The following MAU2 variants were observed in gnomAD, a reference collection of about 807,000 sequenced individuals.
MAU2 encodes MAU2 sister chromatid cohesion factor.
A neutral mutation model predicts 89.1 loss-of-function variants in MAU2; 9 were observed. The ratio of observed to expected loss-of-function variants is 0.10; its 90% CI spans 0.06 to 0.18. MAU2 has a LOEUF of 0.18. MAU2 is among the 10% of genes least tolerant of loss of function. The pLI is 1.00. For missense variants in MAU2, 425 were observed against 803.5 expected (o/e 0.53, Z 5.69); for synonymous variants, 357 against 343.4 (o/e 1.04, Z -0.44).
At position 19,348,803 on chromosome 19, in the gene MAU2, A is replaced by G. The variant is rs1430729502; in HGVS notation, c.1309-86A>G. ...GGCCACAGTCCCGACGGGGGTGTAG[A>G]GAAATTCCCATGCACTGCAGTGTGT... On this transcript the variant is annotated intron_variant, in intron 13 of 18. Coordinates refer to ENST00000262815, the MANE Select transcript of MAU2 (RefSeq NM_015329.4). 2.2e-5 allele frequency: 31 copies of G among 1,432,894 alleles called. No individual in the cohort carries two copies. The Admixed American group carries it at 3.0e-4, about 14-fold the overall frequency. 88.8% of individuals were successfully genotyped at this position (1,432,894 alleles called of 1,614,324 possible). A position where few individuals can be genotyped will look rare whatever the true frequency, so the allele number is the denominator to read the frequency against.
chr19:19,341,490 G>A (rs888140387), intron 7 of MAU2, 83 bp downstream of exon 7: 2 of 1,526,764 alleles, frequency 1.3e-6, no homozygotes, highest in African/African-American at 1.4e-5. Flanking sequence ...TGGGCTGTGA[G>A]GTCAGCTGTG....
chr19:19,331,270 C>A (rs754919388), intron 1 of MAU2, among the ~76,000 whole-genome samples: 34 of 151,760 alleles, frequency 2.2e-4, no homozygotes, highest in African/African-American at 3.4e-4. Flanking sequence ...GAGGCCGAGG[C>A]AGGCAGATAA....
intron 12 of MAU2, among the ~76,000 whole-genome samples, chr19:19,346,682 A>G (rs910069052): frequency 1.6e-4 from 24 of 152,214 alleles, no homozygotes; most frequent in African/African-American, 5.5e-4. Context: ...GGGTCTGAGC[A>G]GGGCTTGAGC....
chr19:19,338,793 C>T (rs1330609645), intron 4 of MAU2, 52 bp from the exon 5 acceptor site: 34 of 1,398,914 alleles, frequency 2.4e-5, no homozygotes, highest in Non-Finnish European at 2.9e-5. Flanking sequence ...AGGCAGGTAC[C>T]GTAAAACTGA....
intron 9 of MAU2, among the ~76,000 whole-genome samples, chr19:19,343,167 G>A (rs568030714): frequency 2.6e-5 from 4 of 152,296 alleles, no homozygotes; most frequent in African/African-American, 9.6e-5. Flanking sequence ...AGGGACACTC[G>A]GGATGAGGCC....
At chr19:19,325,132 C>T (rs2061494139) in intron 1 of MAU2, among the ~76,000 whole-genome samples, 3 of 152,100 alleles carry the variant, frequency 2.0e-5, no homozygotes, top group Admixed American at 2.0e-4. Context: ...TCTCCTTGCT[C>T]ATTCTCTCTG....
Position 19,357,649 on chromosome 19 carries a change from A to C in MAU2, c.*1867A>C, listed in dbSNP as rs1291245356. 1 of 152,424 alleles carries C rather than the reference A, an allele frequency of 6.6e-6. No homozygotes were observed. The highest frequency in any genetic ancestry group is 1.9e-4 in the East Asian group (1 of 5,176). 9.4% of individuals were successfully genotyped at this position (152,424 alleles called of 1,614,324 possible). On this transcript the variant is annotated 3_prime_UTR_variant, in exon 19 of 19. Coordinates refer to ENST00000262815, the MANE Select transcript of MAU2 (RefSeq NM_015329.4). ...AGTTGAAAACAGAACCTCAGAACTT[A>C]ACATCTGTCCTGATGTTAAAGTGCT...
In MAU2 at chr19:19,356,398, C is replaced by G; in HGVS notation, c.*616C>G. 1 of 287,262 alleles carries G rather than the reference C, an allele frequency of 3.5e-6. No homozygotes were observed. Among genetic ancestry groups the G allele is most frequent in the Middle Eastern group, 1.3e-3 (1 of 760 alleles). The allele number at this position is 287,262 out of a possible 1,614,324, so 17.8% of individuals were successfully genotyped here. Reference sequence around the variant, plus strand: ...GGGACCCAGGAACTCAGCTTCCAAACATCTGCACCTTGACCGGACTCGCCA... The same window carrying G: ...GGGACCCAGGAACTCAGCTTCCAAAGATCTGCACCTTGACCGGACTCGCCA... On this transcript the variant is annotated 3_prime_UTR_variant, in exon 19 of 19. Coordinates refer to ENST00000262815, the MANE Select transcript of MAU2 (RefSeq NM_015329.4).
chr19:19,341,953 C>T (rs571359592), intron 7 of MAU2, among the ~76,000 whole-genome samples: 71 of 152,228 alleles, frequency 4.7e-4, no homozygotes, highest in African/African-American at 1.7e-3. Context: ...CCACCCCTGT[C>T]GCAGTGGGCC....
rs1004914227 is a variant in MAU2 at position 19,355,287 on chromosome 19, G to A, written c.1663G>A (p.Ala555Thr). The change falls in exon 18 of 19, where the codon GCC (alanine) becomes ACC (threonine). Residue 555 changes from alanine to threonine, a missense_variant. Physicochemically the swap from Ala to Thr is moderately conservative, Grantham distance 58. Around this residue, in one of 11 missense-constraint regions of MAU2, gnomAD observed 33 missense variants for 94.1 expected, o/e 0.35. Coordinates refer to ENST00000262815, the MANE Select transcript of MAU2 (RefSeq NM_015329.4). ...LRDLNKACGN[A>T]MDAHEAAQMH... is the part of the protein sequence containing the mutation. Reference sequence around the variant, plus strand: ...AGACCTGAATAAAGCCTGTGGGAACGCCATGGATGCCCATGAAGCCGCCCA... The same window carrying A: ...AGACCTGAATAAAGCCTGTGGGAACACCATGGATGCCCATGAAGCCGCCCA... The A allele has an allele frequency of 7.4e-6, 12 of 1,613,896 alleles. No individual in the cohort carries two copies. Among genetic ancestry groups the A allele is most frequent in the African/African-American group, 1.3e-5 (1 of 74,928 alleles).
intron 1 of MAU2, among the ~76,000 whole-genome samples, chr19:19,331,600 A>G (rs1665262890): frequency 6.6e-6 from 1 of 152,062 alleles, no homozygotes; most frequent in Non-Finnish European, 1.5e-5. Flanking sequence ...TTCCAAATAT[A>G]TGCTACAAGT....
At chr19:19,336,525 C>T (rs1324784710) in intron 3 of MAU2, among the ~76,000 whole-genome samples, 12 of 152,190 alleles carry the variant, frequency 7.9e-5, no homozygotes, top group Admixed American at 3.3e-4. Flanking sequence ...AATCCTGCCT[C>T]GACTTCCCAA....
chr19:19,335,626 C>A, intron 1 of MAU2, 92 bp from the exon 2 acceptor site: 2 of 1,360,702 alleles, frequency 1.5e-6, no homozygotes, highest in South Asian at 1.2e-5. Flanking sequence ...AGCCTCTGTT[C>A]TCAGGACAAC....
intron 1 of MAU2, chr19:19,334,744 C>T (rs1404537506): frequency 3.0e-6 from 1 of 329,792 alleles, no homozygotes; most frequent in East Asian, 1.7e-4. Flanking sequence ...GGCCCTCTGC[C>T]TTTTTTATGG....
In MAU2 at chr19:19,356,208, T is replaced by A; in HGVS notation, c.*426T>A. ...CCGAGCGGGAGTAGAGTGTTTCCTC[T>A]GCTCAAGGCAATTTCCAGAGCCCGG... On this transcript the variant is annotated 3_prime_UTR_variant, in exon 19 of 19. Coordinates refer to ENST00000262815, the MANE Select transcript of MAU2 (RefSeq NM_015329.4). 1 of 364,004 alleles carries A rather than the reference T, an allele frequency of 2.7e-6. No homozygotes were observed. Among genetic ancestry groups the A allele is most frequent in the South Asian group, 2.0e-5 (1 of 48,864 alleles). 22.5% of individuals were successfully genotyped at this position (364,004 alleles called of 1,614,324 possible).
intron 13 of MAU2, 104 bp downstream of exon 13, chr19:19,347,470 G>T (rs894779100): frequency 3.5e-6 from 3 of 866,118 alleles, no homozygotes; most frequent in East Asian, 2.6e-5. Context: ...AGACCCCAGG[G>T]TGTTCACCTT....
At chr19:19,343,777 G>A in intron 9 of MAU2, 60 bp from the exon 10 acceptor site, 1 of 1,304,264 alleles carries the variant, frequency 7.7e-7, no homozygotes, top group South Asian at 1.2e-5. Context: ...GGCACGGTGG[G>A]CTGGGGGTGG....
chr19:19,338,006 G>A (rs1012702260), intron 4 of MAU2, among the ~76,000 whole-genome samples: 3 of 152,218 alleles, frequency 2.0e-5, no homozygotes, highest in South Asian at 2.1e-4. Context: ...GCCGGCCCCC[G>A]GCCTCTCTCT....
At chr19:19,330,158 T>G (rs1360259833) in intron 1 of MAU2, among the ~76,000 whole-genome samples, 1 of 151,614 alleles carries the variant, frequency 6.6e-6, no homozygotes, top group Non-Finnish European at 1.5e-5. Flanking sequence ...TTTTGTATAT[T>G]TTGTAGAGAT....
Sources: allele counts gnomAD v4.1 joint callset (sites outside exome capture counted in the v4.1 genomes callset), GRCh38; gene constraint gnomAD v4.1.1; regional missense constraint gnomAD v4.1.1; transcripts MANE v1.5; gene names NCBI Gene and HGNC (gene_info 2026-07-23, HGNC 2026-07-21).